The following FAAH2 variants were observed in gnomAD, a reference collection of about 807,000 sequenced individuals.
The protein encoded by FAAH2 is fatty-acid amide hydrolase 2.
A neutral mutation model predicts 36.9 loss-of-function variants in FAAH2; 60 were observed. That is an observed-to-expected ratio of 1.63 (90% CI 1.32 to 2.02). FAAH2 has a LOEUF of 2.02. FAAH2 is among the 30% of genes most tolerant of loss of function. FAAH2 has a pLI of 0.00. For missense variants in FAAH2, 689 were observed against 397.5 expected (o/e 1.73, Z -6.23); for synonymous variants, 214 against 143.8 (o/e 1.49, Z -3.49).
chrX:57,426,208 C>A (rs777610057), intron 7 of FAAH2, among the ~76,000 whole-genome samples: 1 of 111,663 alleles, frequency 9.0e-6, no homozygotes, highest in African/African-American at 3.2e-5. Context: ...ATAAATGGAT[C>A]AATTCAACAA....
chrX:57,424,656 A>G (rs768633546), intron 7 of FAAH2, among the ~76,000 whole-genome samples: 4 of 112,328 alleles, frequency 3.6e-5, no homozygotes, highest in Non-Finnish European at 7.5e-5. Context: ...GCTTACCACT[A>G]AAAACACTTA....
At chrX:57,420,761 A>G (rs2055998417) in intron 7 of FAAH2, among the ~76,000 whole-genome samples, 2 of 107,808 alleles carry the variant, frequency 1.9e-5, no homozygotes, top group Non-Finnish European at 3.8e-5. Flanking sequence ...CACTATGTTG[A>G]ATAGGAGTGG....
chrX:57,453,744 T>A (rs2056823156), intron 10 of FAAH2, among the ~76,000 whole-genome samples: 1 of 111,889 alleles, frequency 8.9e-6, no homozygotes, highest in Admixed American at 9.5e-5. Context: ...GGAAAGCACC[T>A]AGACAGGGGA....
chrX:57,412,472 G>T (rs2055725352), intron 7 of FAAH2, among the ~76,000 whole-genome samples: 1 of 111,438 alleles, frequency 9.0e-6, no homozygotes, highest in African/African-American at 3.3e-5. Context: ...AACATGCAGT[G>T]TTTGGTTTTC....
At chrX:57,356,051 C>A (rs1227408430) in intron 5 of FAAH2, among the ~76,000 whole-genome samples, 1 of 111,084 alleles carries the variant, frequency 9.0e-6, no homozygotes. Context: ...TCTGGGTTTT[C>A]TCTTAATTTT....
At chrX:57,336,975 A>AAT (rs987565532) in intron 4 of FAAH2, among the ~76,000 whole-genome samples, 15 of 4,208 alleles carry the variant, frequency 3.6e-3, no homozygotes, top group African/African-American at 6.2e-3. Flanking sequence ...TTTGAAAAAA[A>AAT]AAATAAATAA....
At chrX:57,432,431 G>T (rs2056323922) in intron 8 of FAAH2, among the ~76,000 whole-genome samples, 1 of 111,681 alleles carries the variant, frequency 9.0e-6, no homozygotes, top group African/African-American at 3.2e-5. Flanking sequence ...CTCAGAACAT[G>T]TAGGTTTCAA....
the FAAH2 span, among the ~76,000 whole-genome samples, chrX:57,149,032 T>A: frequency 1.8e-5 from 2 of 112,089 alleles, no homozygotes; most frequent in Non-Finnish European, 1.9e-5. Flanking sequence ...GGTTTTTGTC[T>A]TTGGTTCTGT....
chrX:57,165,000 G>A, the FAAH2 span, among the ~76,000 whole-genome samples: 1 of 112,382 alleles, frequency 8.9e-6, no homozygotes, highest in Non-Finnish European at 1.9e-5. Flanking sequence ...GAAATGTGTA[G>A]ATAAAATGGA....
At chrX:57,191,122 T>G in the FAAH2 span, among the ~76,000 whole-genome samples, 1 of 111,876 alleles carries the variant, frequency 8.9e-6, no homozygotes, top group Non-Finnish European at 1.9e-5. Flanking sequence ...ATGAGTTCTC[T>G]CTTCTCTCCA....
chrX:57,304,009 C>T (rs762814293), intron 2 of FAAH2, among the ~76,000 whole-genome samples: 10 of 110,916 alleles, frequency 9.0e-5, no homozygotes, highest in African/African-American at 3.3e-4. Context: ...GAGTTCGAGA[C>T]CAGCCTGGCC....
At chrX:57,232,712 T>G in the FAAH2 span, among the ~76,000 whole-genome samples, 2 of 112,185 alleles carry the variant, frequency 1.8e-5, no homozygotes, top group Non-Finnish European at 3.8e-5. Flanking sequence ...TTATAACTGG[T>G]CTATAAATGT....
intron 1 of FAAH2, among the ~76,000 whole-genome samples, chrX:57,291,835 C>G (rs532516058): frequency 9.0e-6 from 1 of 111,234 alleles, no homozygotes; most frequent in South Asian, 3.7e-4. Context: ...TTGTCTCATT[C>G]CTGCTCACAT....
At chrX:57,444,529 A>C (rs1253246598) in intron 8 of FAAH2, among the ~76,000 whole-genome samples, 1 of 111,670 alleles carries the variant, frequency 9.0e-6, no homozygotes, top group Admixed American at 9.5e-5. Context: ...TGGCTAGGAA[A>C]GGGAATTCTC....
At chrX:57,330,434 G>A (rs2053368269) in intron 3 of FAAH2, among the ~76,000 whole-genome samples, 1 of 111,661 alleles carries the variant, frequency 9.0e-6, no homozygotes, top group Admixed American at 9.5e-5. Context: ...CTCAAACCCT[G>A]TCTCCTGATA....
chrX:57,466,440 G>GTATA (rs749402672), intron 10 of FAAH2, among the ~76,000 whole-genome samples: 3 of 94,338 alleles, frequency 3.2e-5, no homozygotes, highest in African/African-American at 1.1e-4. Context: ...TACTGGAAAA[G>GTATA]TATATATATA....
chrX:57,418,972 G>GT (rs1455387657), intron 7 of FAAH2, among the ~76,000 whole-genome samples: 1 of 102,656 alleles, frequency 9.7e-6, no homozygotes, highest in East Asian at 3.1e-4. Flanking sequence ...GCGGTGTTTG[G>GT]TTTTTTGTCC....
At chrX:57,434,740 A>T (rs748653017) in intron 8 of FAAH2, among the ~76,000 whole-genome samples, 3 of 111,761 alleles carry the variant, frequency 2.7e-5, no homozygotes, top group Non-Finnish European at 5.6e-5. Flanking sequence ...TTATGGAAGC[A>T]TCTCAAGTGT....
In FAAH2 at chrX:57,431,787, G is replaced by GTTTTTTT. The variant is rs58140227; in HGVS notation, c.997-129_997-123dup. 1,047 of 128,479 alleles carry GTTTTTTT rather than the reference G, an allele frequency of 8.1e-3. 61 individuals carry two copies. Among genetic ancestry groups the GTTTTTTT allele is most frequent in the African/African-American group, 0.015 (377 of 25,936 alleles). 10.6% of individuals were successfully genotyped at this position (128,479 alleles called of 1,213,427 possible). On this transcript the variant is annotated intron_variant, in intron 7 of 10. Coordinates refer to ENST00000374900, the MANE Select transcript of FAAH2 (RefSeq NM_174912.4). The stretch of plus-strand genomic sequence containing the variant: ...TGTTTTTTTGTTTTTTTGTTTTTTT[G>GTTTTTTT]TTTTTTTTGGTGTTTCCATGGGGCA...
Sources: gnomAD v4.1 joint callset for allele counts (sites outside exome capture counted in the v4.1 genomes callset) on GRCh38, gnomAD v4.1.1 for gene constraint, MANE v1.5 for transcripts, NCBI Gene and HGNC (gene_info 2026-07-23, HGNC 2026-07-21) for gene names.